NIPA1: variants seen among roughly 807,000 people sequenced by gnomAD.
NIPA1 encodes the protein NIPA magnesium transporter 1.
A neutral mutation model predicts 23.9 loss-of-function variants in NIPA1; 13 were observed. The ratio of observed to expected loss-of-function variants is 0.54; its 90% CI spans 0.35 to 0.87. The LOEUF is 0.87. Ranked by LOEUF, NIPA1 falls within the 40% of genes least tolerant of loss-of-function variation. NIPA1 has a pLI of 0.01. For missense variants in NIPA1, 362 were observed against 429.7 expected (o/e 0.84, Z 1.39); for synonymous variants, 234 against 202.9 (o/e 1.15, Z -1.30).
chr15:22,789,094 G>A (rs1894775367), intron 1 of NIPA1, among the ~76,000 whole-genome samples: 1 of 151,322 alleles, frequency 6.6e-6, no homozygotes, highest in African/African-American at 2.4e-5. Flanking sequence ...CCGGGTTCAA[G>A]CGATTCGCCT....
intron 1 of NIPA1, among the ~76,000 whole-genome samples, chr15:22,797,796 G>A (rs920853364): frequency 8.5e-6 from 1 of 117,646 alleles, no homozygotes; most frequent in Admixed American, 9.1e-5. Flanking sequence ...GTGAGCCACC[G>A]CTCCTGGCCA....
chr15:22,800,462 G>A (rs985619250), intron 1 of NIPA1, among the ~76,000 whole-genome samples: 1 of 152,034 alleles, frequency 6.6e-6, no homozygotes, highest in African/African-American at 2.4e-5. Context: ...AGACCTACAC[G>A]TTGGGTGGTA....
chr15:22,820,480 C>T lies in NIPA1; in HGVS notation c.478+7C>T, dbSNP rs755958612. The T allele has an allele frequency of 9.9e-6, 16 of 1,611,578 alleles. No homozygotes were observed. The Admixed American group carries it at 2.7e-4, about 27-fold the overall frequency. ...GAAAAGCTGACCAATCCAGGTAATT[C>T]CTTTCTAGCAGCACTGCCAAGAAAG... On this transcript the variant is annotated splice_region_variant and intron_variant, in intron 4 of 4. Coordinates refer to ENST00000337435, the MANE Select transcript of NIPA1 (RefSeq NM_144599.5).
In NIPA1 at chr15:22,824,646, A is replaced by G; in HGVS notation, c.*407A>G. 3.8e-6 allele frequency: 1 copy of G among 259,888 alleles called. No individual in the cohort carries two copies. Among genetic ancestry groups the G allele is most frequent in the South Asian group, 4.6e-5 (1 of 21,920 alleles). The allele number at this position is 259,888 out of a possible 1,614,324, so 16.1% of individuals were successfully genotyped here. On this transcript the variant is annotated 3_prime_UTR_variant, in exon 5 of 5. Coordinates refer to ENST00000337435, the MANE Select transcript of NIPA1 (RefSeq NM_144599.5). The surrounding 1 kb of genome is among the most constrained non-coding windows in gnomAD (Gnocchi z 4.1). The stretch of plus-strand genomic sequence containing the variant: ...TGGGAATGAGAGATTGTTGTCTTGA[A>G]CTCTGGCACTGTACAGTGAATGTGT...
In NIPA1 at chr15:22,826,419, A is replaced by G. The variant is rs1337424766; in HGVS notation, c.*2180A>G. On this transcript the variant is annotated 3_prime_UTR_variant, in exon 5 of 5. Coordinates refer to ENST00000337435, the MANE Select transcript of NIPA1 (RefSeq NM_144599.5). ...TAACTTACTGAACTGAACTTTCTGA[A>G]AACGTAATGTAGCAGTATCAATATA... is the stretch of plus-strand genomic sequence containing the variant. The G allele has an allele frequency of 6.6e-6, 1 of 152,194 alleles. No homozygotes were observed. The highest frequency in any genetic ancestry group is 1.5e-5 in the Non-Finnish European group (1 of 68,030). 9.4% of individuals were successfully genotyped at this position (152,194 alleles called of 1,614,324 possible). A position where few individuals can be genotyped will look rare whatever the true frequency, so the allele number is the denominator to read the frequency against.
rs1277297799 is a variant in NIPA1 at position 22,812,028 on chromosome 15, C to G, written c.227-135C>G. The G allele has an allele frequency of 6.0e-5, 44 of 736,382 alleles. No homozygotes were observed. The East Asian group carries it at 1.3e-3, about 21-fold the overall frequency. The allele number at this position is 736,382 out of a possible 1,614,324, so 45.6% of individuals were successfully genotyped here. A position where few individuals can be genotyped will look rare whatever the true frequency, so the allele number is the denominator to read the frequency against. On this transcript the variant is annotated intron_variant, in intron 2 of 4. Coordinates refer to ENST00000337435, the MANE Select transcript of NIPA1 (RefSeq NM_144599.5). The stretch of plus-strand genomic sequence containing the variant: ...TGACCCCTTAAATGTGCAGATGACA[C>G]CCCAGATGTGATTCTTCACAAGTAA...
rs1314753190 is a variant in NIPA1 at position 22,827,627 on chromosome 15, A to G, written c.*3388A>G. The G allele has an allele frequency of 6.6e-6, 1 of 152,206 alleles. No homozygotes were observed. The highest frequency in any genetic ancestry group is 2.4e-5 in the African/African-American group (1 of 41,440). The allele number at this position is 152,206 out of a possible 1,614,324, so 9.4% of individuals were successfully genotyped here. A position where few individuals can be genotyped will look rare whatever the true frequency, so the allele number is the denominator to read the frequency against. ...TACTACACCCAGTTGTCTTTCCAGA[A>G]GTTCATCCCAGCGGTAATATGTTGG... On this transcript the variant is annotated 3_prime_UTR_variant, in exon 5 of 5. Coordinates refer to ENST00000337435, the MANE Select transcript of NIPA1 (RefSeq NM_144599.5).
chr15:22,812,483 C>A (rs922524240), intron 3 of NIPA1, among the ~76,000 whole-genome samples: 1 of 152,040 alleles, frequency 6.6e-6, no homozygotes, highest in South Asian at 2.1e-4. Context: ...GAAACCCTGT[C>A]TCTACTAACA....
Position 22,820,525 on chromosome 15 carries a change from C to A in NIPA1, c.478+52C>A. On this transcript the variant is annotated intron_variant, in intron 4 of 4. Coordinates refer to ENST00000337435, the MANE Select transcript of NIPA1 (RefSeq NM_144599.5). ...AGAAAGTTTGCAGTAGGAGTGCCAA[C>A]TTTTTTAACCACGTCTTCAAATTGG... is the stretch of plus-strand genomic sequence containing the variant. 3.7e-6 allele frequency: 5 copies of A among 1,366,508 alleles called. 1 individual carries two copies. Among genetic ancestry groups the A allele is most frequent in the Non-Finnish European group, 5.2e-6 (5 of 954,208 alleles). The allele number at this position is 1,366,508 out of a possible 1,614,324, so 84.6% of individuals were successfully genotyped here.
chr15:22,787,004 C>T (rs1454391210), intron 1 of NIPA1, among the ~76,000 whole-genome samples, 170 bp downstream of exon 1: 1 of 151,690 alleles, frequency 6.6e-6, no homozygotes, highest in African/African-American at 2.4e-5. Flanking sequence ...GCCCAGGCTG[C>T]CGCCGCGTCC....
chr15:22,791,027 A>T (rs992927804), intron 1 of NIPA1, among the ~76,000 whole-genome samples: 4 of 152,128 alleles, frequency 2.6e-5, no homozygotes, highest in African/African-American at 9.7e-5. Context: ...GTTATGTTAT[A>T]TGGTTATATT....
At chr15:22,802,103 A>C (rs1895095774) in intron 1 of NIPA1, among the ~76,000 whole-genome samples, 1 of 152,086 alleles carries the variant, frequency 6.6e-6, no homozygotes. Flanking sequence ...TTAAATTAAA[A>C]AAATTAAGGG....
intron 3 of NIPA1, among the ~76,000 whole-genome samples, chr15:22,812,620 T>C (rs1295048274): frequency 6.6e-6 from 1 of 150,740 alleles, no homozygotes; most frequent in East Asian, 1.9e-4. Flanking sequence ...ACCACAGCAC[T>C]CCAGCCTGGG....
At position 22,786,828 on chromosome 15, in the gene NIPA1, C is replaced by T; in HGVS notation, c.172C>T (p.Arg58Trp). ...LQKKGIVRAK[R>W]RGTSYLTDIV... ...GAAGAAGGGCATCGTGCGTGCCAAG[C>T]GGCGAGGTAGGGCGGGCGGCAGGCG... Residue 58 changes from arginine to tryptophan, a missense_variant, in exon 1 of 5, where the codon CGG becomes TGG. Coordinates refer to ENST00000337435, the MANE Select transcript of NIPA1 (RefSeq NM_144599.5). 8.6e-7 allele frequency: 1 copy of T among 1,168,820 alleles called. No homozygotes were observed. Among genetic ancestry groups the T allele is most frequent in the Non-Finnish European group, 1.1e-6 (1 of 927,612 alleles). 72.4% of individuals were successfully genotyped at this position (1,168,820 alleles called of 1,614,324 possible). A position where few individuals can be genotyped will look rare whatever the true frequency, so the allele number is the denominator to read the frequency against.
chr15:22,824,097 G>A lies in NIPA1; in HGVS notation c.848G>A (p.Trp283Ter). ...LLASAILFRE[W>*]SNVGLVDFLG... ...GCCTCAGCCATCCTCTTCCGGGAGT[G>A]GAGCAACGTGGGCCTGGTGGACTTC... Residue 283 changes from tryptophan to a stop codon, truncating the protein, a stop_gained, in exon 5 of 5, where the codon TGG (tryptophan) becomes TAG (stop). Transcript: ENST00000337435. LOFTEE classifies it high-confidence loss of function. The surrounding 1 kb of genome is among the most constrained non-coding windows in gnomAD (Gnocchi z 4.1). 2 of 1,614,090 alleles carry A rather than the reference G, an allele frequency of 1.2e-6. No homozygotes were observed. Among genetic ancestry groups the A allele is most frequent in the Non-Finnish European group, 1.7e-6 (2 of 1,179,970 alleles).
intron 1 of NIPA1, among the ~76,000 whole-genome samples, chr15:22,788,756 TAAA>T (rs896507862): frequency 2.0e-5 from 3 of 149,280 alleles, no homozygotes; most frequent in Non-Finnish European, 4.5e-5. Context: ...AGTAGCCTTT[TAAA>T]AAAAACATGA....
Position 22,820,365 on chromosome 15 carries a change from T to C in NIPA1, c.370T>C (p.Leu124=), listed in dbSNP as rs756259205. ...LKEKLNILGK[L]GCLLSCAGSV... ...GGAAAAGCTCAACATCTTGGGCAAGTTGGGGTGCCTGCTAAGCTGTGCAGG... is the reference window on the plus strand; with the variant it reads ...GGAAAAGCTCAACATCTTGGGCAAGCTGGGGTGCCTGCTAAGCTGTGCAGG... The change falls in exon 4 of 5, where the codon TTG becomes CTG. Residue 124 remains leucine (L), a synonymous_variant. Coordinates refer to ENST00000337435, the MANE Select transcript of NIPA1 (RefSeq NM_144599.5). 6.2e-7 allele frequency: 1 copy of C among 1,612,464 alleles called. No individual in the cohort carries two copies. The highest frequency in any genetic ancestry group is 1.1e-5 in the South Asian group (1 of 91,052).
At chr15:22,806,052 T>C (rs1399854064) in intron 1 of NIPA1, among the ~76,000 whole-genome samples, 1 of 152,114 alleles carries the variant, frequency 6.6e-6, no homozygotes, top group Admixed American at 6.6e-5. Context: ...GCCTCCCGAA[T>C]AGCTGGGACT....
At chr15:22,788,569 G>A (rs949178902) in intron 1 of NIPA1, among the ~76,000 whole-genome samples, 4 of 151,176 alleles carry the variant, frequency 2.6e-5, no homozygotes, top group African/African-American at 4.8e-5. Context: ...CTGAAAGCAC[G>A]TCACAACCAG....
Sources: allele counts gnomAD v4.1 joint callset (sites outside exome capture counted in the v4.1 genomes callset), GRCh38; gene constraint gnomAD v4.1.1; non-coding constraint Gnocchi (gnomAD v3.1); transcripts MANE v1.5; gene names NCBI Gene and HGNC (gene_info 2026-07-23, HGNC 2026-07-21).